MYH7B: variants seen among roughly 807,000 people sequenced by gnomAD.
MYH7B encodes the protein myosin heavy chain 7B.
MYH7B carries 205 observed loss-of-function variants against 234.5 expected under a neutral mutation model. The ratio of observed to expected loss-of-function variants is 0.87; its 90% CI spans 0.78 to 0.98. MYH7B has a LOEUF of 0.98. Ranked by LOEUF, MYH7B falls within the 50% of genes least tolerant of loss-of-function variation. The pLI is 0.00. For synonymous variants in MYH7B, 1,193 were observed against 1,105.0 expected (o/e 1.08, Z -1.58); for missense variants, 2,652 against 2,633.4 (o/e 1.01, Z -0.15).
intron 3 of MYH7B, among the ~76,000 whole-genome samples, chr20:34,976,336 G>A (rs1408703474): frequency 2.0e-5 from 3 of 152,168 alleles, no homozygotes; most frequent in Non-Finnish European, 2.9e-5. Context: ...CGCATCGGTC[G>A]GAGGACTTCC....
chr20:35,002,389 C>T, exon 45 of MYH7B: 3 of 462,912 alleles, frequency 6.5e-6, no homozygotes, highest in Non-Finnish European at 1.1e-5. Flanking sequence ...GGGACAAAAG[C>T]CAGGTCCACA....
At chr20:34,992,990 A>T in intron 24 of MYH7B, 112 bp from the exon 25 acceptor site, 1 of 1,360,742 alleles carries the variant, frequency 7.3e-7, no homozygotes, top group Non-Finnish European at 1.0e-6. Context: ...GAGGCCCAGG[A>T]ACGAGTCCCC....
At chr20:34,995,243 A>G (rs2082232261) in intron 27 of MYH7B, 93 bp from the exon 28 acceptor site, 2 of 1,318,826 alleles carry the variant, frequency 1.5e-6, no homozygotes, top group Admixed American at 2.0e-5. Flanking sequence ...ACTTTGCTAC[A>G]GAGGCAGTTT....
chr20:34,961,605 A>C (rs1205455866), intron 2 of MYH7B, among the ~76,000 whole-genome samples: 1 of 152,224 alleles, frequency 6.6e-6, no homozygotes, highest in Non-Finnish European at 1.5e-5. Flanking sequence ...GAATATTTTC[A>C]TCACCACAGA....
chr20:34,988,229 T>G lies in MYH7B; in HGVS notation c.1554T>G (p.Leu518=), dbSNP rs762214879. Residue 518 remains leucine, a synonymous_variant, in exon 19 of 45, where the codon CTT becomes CTG. Coordinates refer to ENST00000262873, the Ensembl canonical transcript of MYH7B. ...ACTGGGTCTTCATCGACTTCGGCCTTGACCTGCAGCCTTGCATCGACCTCA... is the reference window on the plus strand; with the variant it reads ...ACTGGGTCTTCATCGACTTCGGCCTGGACCTGCAGCCTTGCATCGACCTCA... 4 of 1,614,162 alleles carry G rather than the reference T, an allele frequency of 2.5e-6. No homozygotes were observed. The Admixed American group carries it at 6.7e-5, about 27-fold the overall frequency.
chr20:34,977,565 G>A (rs1600417550), intron 3 of MYH7B, 67 bp from the exon 4 acceptor site: 1 of 1,493,434 alleles, frequency 6.7e-7, no homozygotes, highest in East Asian at 2.4e-5. Context: ...TGTGTCCTGT[G>A]GCCAGGCTGG....
intron 2 of MYH7B, 124 bp from the exon 3 acceptor site, chr20:34,975,276 C>T (rs1401034789): frequency 4.1e-5 from 18 of 436,024 alleles, no homozygotes; most frequent in Non-Finnish European, 6.9e-5. Flanking sequence ...GTGATCTCGG[C>T]GCACTGTAAC....
chr20:34,997,418 G>A lies in MYH7B; in HGVS notation c.3525G>A (p.Glu1175=). 1 of 1,474,934 alleles carries A rather than the reference G, an allele frequency of 6.8e-7. No homozygotes were observed. The highest frequency in any genetic ancestry group is 8.9e-7 in the Non-Finnish European group (1 of 1,122,970). The allele number at this position is 1,474,934 out of a possible 1,614,324, so 91.4% of individuals were successfully genotyped here. A position where few individuals can be genotyped will look rare whatever the true frequency, so the allele number is the denominator to read the frequency against. The change falls in exon 32 of 45, where the codon GAG becomes GAA. Residue 1175 remains glutamate (E), a synonymous_variant. Transcript: ENST00000262873. ...AGCGCGAGGGCTGCCGCAAGCGGGA[G>A]GCGGAGCTGGGGAGGCTGCGGCGGG...
chr20:34,959,699 G>A (rs1242937600), intron 2 of MYH7B, among the ~76,000 whole-genome samples: 1 of 151,936 alleles, frequency 6.6e-6, no homozygotes, highest in African/African-American at 2.4e-5. Flanking sequence ...GGCTGGTCTC[G>A]AACTCCTGAC....
Position 34,989,720 on chromosome 20 carries a change from C to G in MYH7B, c.1588-20C>G. ...ATGGACTGGCTTGATGGTGGCTTTT[C>G]AAGCTCGTTCTGTTCCCAGCCACTG... On this transcript the variant is annotated intron_variant, in intron 19 of 44. Coordinates refer to ENST00000262873, the Ensembl canonical transcript of MYH7B. 1 of 1,607,976 alleles carries G rather than the reference C, an allele frequency of 6.2e-7. No individual in the cohort carries two copies. Among genetic ancestry groups the G allele is most frequent in the Non-Finnish European group, 8.5e-7 (1 of 1,176,720 alleles).
Position 34,984,676 on chromosome 20 carries a change from T to C in MYH7B, c.625-16T>C. Reference sequence around the variant, plus strand: ...GGAGGCCTGGCCCTCTAATGTTGTCTGTCTTCTTCCCCCAGCAATTTCTGG... The same window carrying C: ...GGAGGCCTGGCCCTCTAATGTTGTCCGTCTTCTTCCCCCAGCAATTTCTGG... On this transcript the variant is annotated splice_polypyrimidine_tract_variant and intron_variant, in intron 10 of 44. Transcript: ENST00000262873. The C allele has an allele frequency of 6.2e-7, 1 of 1,600,596 alleles. No individual in the cohort carries two copies. Among genetic ancestry groups the C allele is most frequent in the Non-Finnish European group, 8.5e-7 (1 of 1,175,588 alleles).
exon 5 of MYH7B, chr20:34,978,052 A>G (rs1477613272): frequency 1.9e-6 from 3 of 1,614,092 alleles, no homozygotes; most frequent in Admixed American, 1.7e-5. Flanking sequence ...TACCTCCGCC[A>G]GGGCTACCAG....
exon 25 of MYH7B, chr20:34,993,128 T>A: frequency 6.2e-7 from 1 of 1,613,796 alleles, no homozygotes; most frequent in South Asian, 1.1e-5. Context: ...CCCAGTGCCA[T>A]CCCGGATGAC....
At chr20:34,994,192 G>A (rs943547103) in exon 27 of MYH7B, 20 of 1,613,282 alleles carry the variant, frequency 1.2e-5, no homozygotes, top group Admixed American at 1.7e-5. Flanking sequence ...CTTCAATGCC[G>A]TCAAGAACTG....
At chr20:34,963,098 A>C (rs748186682) in intron 2 of MYH7B, among the ~76,000 whole-genome samples, 14 of 152,232 alleles carry the variant, frequency 9.2e-5, no homozygotes, top group Non-Finnish European at 1.9e-4. Flanking sequence ...ACTCCGTCTC[A>C]AAAAAAGAAG....
At chr20:34,983,951 G>A (rs547845158) in intron 10 of MYH7B, among the ~76,000 whole-genome samples, 86 of 152,348 alleles carry the variant, frequency 5.6e-4, no homozygotes, top group African/African-American at 1.6e-3. Flanking sequence ...GGGAAAGTGA[G>A]GATGAGGCTA....
chr20:34,983,005 C>T (rs2081962127), intron 10 of MYH7B, among the ~76,000 whole-genome samples: 1 of 152,186 alleles, frequency 6.6e-6, no homozygotes, highest in Admixed American at 6.5e-5. Flanking sequence ...AATTTTGTGC[C>T]TTGTGATTTC....
chr20:35,001,299 C>A (rs777681035), exon 42 of MYH7B: 1 of 1,613,008 alleles, frequency 6.2e-7, no homozygotes, highest in Admixed American at 1.7e-5. Flanking sequence ...CGCCGAGGCC[C>A]TTAAGGGCGT....
chr20:34,981,306 C>T (rs2081937760), intron 9 of MYH7B: 1 of 473,086 alleles, frequency 2.1e-6, no homozygotes, highest in East Asian at 4.1e-5. Flanking sequence ...ACCAGCCCCA[C>T]ACCTCCTCTC....
Sources: gnomAD v4.1 joint callset for allele counts (sites outside exome capture counted in the v4.1 genomes callset) on GRCh38, gnomAD v4.1.1 for gene constraint, MANE v1.5 for transcripts, NCBI Gene and HGNC (gene_info 2026-07-23, HGNC 2026-07-21) for gene names.